COG4: variants seen among roughly 807,000 people sequenced by gnomAD.
The protein encoded by COG4 is conserved oligomeric Golgi complex subunit 4.
A neutral mutation model predicts 95.1 loss-of-function variants in COG4; 65 were observed. The ratio of observed to expected loss-of-function variants is 0.68; its 90% CI spans 0.56 to 0.84. The LOEUF is 0.84. Among genes scored for constraint, COG4 ranks in the 40% least tolerant of loss-of-function variants. The probability of loss-of-function intolerance (pLI) is 0.00; values close to 1 mark genes in which losing one functional copy is unlikely to be tolerated. For missense variants in COG4, 1,045 were observed against 989.1 expected, an observed-to-expected ratio of 1.06 and a Z score of -0.76; for synonymous variants, 421 against 374.8, an observed-to-expected ratio of 1.12 and a Z score of -1.42.
chr16:70,482,149 G>T lies in COG4; in HGVS notation c.1947C>A (p.Asn649Lys), dbSNP rs767131534. 1.2e-6 allele frequency: 2 copies of T among 1,613,780 alleles called. No homozygotes were observed. The highest frequency in any genetic ancestry group is 1.1e-5 in the South Asian group (1 of 91,072). ...GGATGAACTGTTGTACCCAAGGGTC[G>T]TTGGCCTCATAGTCATTGAATTCTT... ...EEEEFNDYEA[N>K]DPWVQQFILN... is the part of the protein sequence containing the mutation. Residue 649 changes from asparagine to lysine, a missense_variant, in exon 16 of 19, where the codon AAC becomes AAA. Coordinates refer to ENST00000323786, the MANE Select transcript of COG4 (RefSeq NM_015386.3).
In COG4 at chr16:70,519,369, C is replaced by T. The variant is rs1329729190; in HGVS notation, c.254+280G>A. On this transcript the variant is annotated intron_variant, in intron 2 of 18. Coordinates refer to ENST00000323786, the MANE Select transcript of COG4 (RefSeq NM_015386.3). ...GTCTCGATCTCCTGACCTCATGATCCGCCCGCCTCGGCCTCCCAAAGTGCT... is the reference window on the plus strand; with the variant it reads ...GTCTCGATCTCCTGACCTCATGATCTGCCCGCCTCGGCCTCCCAAAGTGCT... 1.5e-5 allele frequency among the ~76,000 whole-genome samples: 2 copies of T among 137,628 alleles called. 1 individual carries two copies. Among genetic ancestry groups the T allele is most frequent in the African/African-American group, 6.1e-5 (2 of 32,802 alleles). 90.3% of individuals were successfully genotyped at this position (137,628 alleles called of 152,430 possible). A position where few individuals can be genotyped will look rare whatever the true frequency, so the allele number is the denominator to read the frequency against.
intron 3 of COG4, chr16:70,515,771 C>G: frequency 3.4e-6 from 1 of 291,220 alleles, no homozygotes. Context: ...TTGTCTTGTT[C>G]CTCATCTTAG....
Position 70,509,363 on chromosome 16 carries a change from GT to G in COG4, c.869del (p.His290ProfsTer4). 1 of 1,614,180 alleles carries G rather than the reference GT, an allele frequency of 6.2e-7. No individual in the cohort carries two copies. The highest frequency in any genetic ancestry group is 2.2e-5 in the East Asian group (1 of 44,890). ...FEGIARIVET[H>X]QPIVETYYGP... ...CATAATAGGTCTCCACTATTGGCTG[GT>G]GGGTCTCCACAATGCGGGCAATCCC... On this transcript the variant is annotated frameshift_variant, in exon 7 of 19. Coordinates refer to ENST00000323786, the MANE Select transcript of COG4 (RefSeq NM_015386.3). LOFTEE classifies it high-confidence loss of function.
At chr16:70,499,907 G>C (rs2049413621) in intron 9 of COG4, among the ~76,000 whole-genome samples, 1 of 152,148 alleles carries the variant, frequency 6.6e-6, no homozygotes, top group Non-Finnish European at 1.5e-5. Flanking sequence ...TGATCCGCCT[G>C]CCTCGGCCTC....
chr16:70,491,364 C>T (rs551008167), intron 12 of COG4, among the ~76,000 whole-genome samples: 3 of 150,342 alleles, frequency 2.0e-5, no homozygotes, highest in African/African-American at 4.9e-5. Flanking sequence ...AAAATACACA[C>T]AAAAAAATTA....
chr16:70,509,392 G>C lies in COG4; in HGVS notation c.845-4C>G. On this transcript the variant is annotated splice_region_variant and splice_polypyrimidine_tract_variant and intron_variant, in intron 6 of 18. Transcript: ENST00000323786. ...GTCTCCACAATGCGGGCAATCCCTA[G>C]AAGGGAGGAAGCAATAGGGTTATAT... 1 of 1,614,178 alleles carries C rather than the reference G, an allele frequency of 6.2e-7. No individual in the cohort carries two copies. The highest frequency in any genetic ancestry group is 1.1e-5 in the South Asian group (1 of 91,080).
At position 70,509,923 on chromosome 16, in the gene COG4, C is replaced by T. The variant is rs373183853; in HGVS notation, c.837G>A (p.Leu279=). The T allele has an allele frequency of 8.1e-6, 13 of 1,613,226 alleles. No homozygotes were observed. The highest frequency in any genetic ancestry group is 1.1e-5 in the Non-Finnish European group (13 of 1,179,248). Residue 279 remains leucine (L), a synonymous_variant, in exon 6 of 19, where the codon CTG becomes CTA. Transcript: ENST00000323786. ...AVIFADTLTL[L]FEGIARIVET... is the part of the protein sequence containing the mutation. Reference sequence around the variant, plus strand: ...GCGGAGAAAGAGGCTCACCTTCAAACAGAAGAGTAAGTGTATCTGCAAAGA... The same window carrying T: ...GCGGAGAAAGAGGCTCACCTTCAAATAGAAGAGTAAGTGTATCTGCAAAGA...
In COG4 at chr16:70,490,635, T is replaced by G. The variant is rs535323744; in HGVS notation, c.1648-243A>C. The stretch of plus-strand genomic sequence containing the variant: ...CCTGATGACAGGGAGCCTAAAGCTA[T>G]CAGGACCTCAGAGGTAGTGAGCTCA... On this transcript the variant is annotated intron_variant, in intron 12 of 18. Transcript: ENST00000323786. 2.0e-5 allele frequency among the ~76,000 whole-genome samples: 3 copies of G among 152,280 alleles called. No homozygotes were observed. The South Asian group carries it at 6.2e-4, about 32-fold the overall frequency.
At chr16:70,520,172 A>G (rs1489145929) in intron 1 of COG4, among the ~76,000 whole-genome samples, 1 of 152,070 alleles carries the variant, frequency 6.6e-6, no homozygotes, top group Admixed American at 6.6e-5. Flanking sequence ...GCGGCGGCTT[A>G]CGTCGGTAAT....
chr16:70,500,365 CTTTTT>C (rs68141616), intron 9 of COG4, among the ~76,000 whole-genome samples: 4 of 96,174 alleles, frequency 4.2e-5, no homozygotes, highest in South Asian at 3.9e-4. Context: ...ATTATATACT[CTTTTT>C]TTTTTTTTTT....
intron 8 of COG4, among the ~76,000 whole-genome samples, chr16:70,504,908 CAAAA>C (rs59742070): frequency 9.2e-6 from 1 of 108,992 alleles, no homozygotes; most frequent in Non-Finnish European, 2.0e-5. Context: ...AAGACTGTCT[CAAAA>C]AAAAAAAAAA....
chr16:70,498,127 T>G, intron 9 of COG4, 72 bp from the exon 10 acceptor site: 1 of 898,838 alleles, frequency 1.1e-6, no homozygotes, highest in Non-Finnish European at 1.9e-6. Context: ...TTTCATTTTT[T>G]CAGGTTCCTT....
chr16:70,501,171 A>C (rs989167735), intron 8 of COG4, 80 bp from the exon 9 acceptor site: 5 of 1,519,164 alleles, frequency 3.3e-6, no homozygotes, highest in African/African-American at 1.4e-5. Context: ...GAGAGTCCCA[A>C]ATTCCCCCTC....
rs1397104192 is a variant in COG4 at position 70,508,696 on chromosome 16, T to A, written c.1003-232A>T. ...TTACTGTGCTTAAAAGTCATGCTAA[T>A]GGTGTTCCAATAGACTACTGTTTAT... is the stretch of plus-strand genomic sequence containing the variant. On this transcript the variant is annotated intron_variant, in intron 7 of 18. Coordinates refer to ENST00000323786, the MANE Select transcript of COG4 (RefSeq NM_015386.3). 5 of 658,268 alleles carry A rather than the reference T, an allele frequency of 7.6e-6. No individual in the cohort carries two copies. In the Admixed American group the frequency reaches 1.1e-4, roughly 14 times the overall value. The allele number at this position is 658,268 out of a possible 1,614,324, so 40.8% of individuals were successfully genotyped here.
At chr16:70,507,369 T>C (rs2049600600) in intron 8 of COG4, among the ~76,000 whole-genome samples, 1 of 152,118 alleles carries the variant, frequency 6.6e-6, no homozygotes, top group African/African-American at 2.4e-5. Context: ...ACCTCTTCTA[T>C]GTTTAGATAT....
chr16:70,507,014 C>T (rs966667380), intron 8 of COG4, among the ~76,000 whole-genome samples: 4 of 151,912 alleles, frequency 2.6e-5, no homozygotes, highest in Non-Finnish European at 4.4e-5. Flanking sequence ...CCCAGGAGTT[C>T]GAGACCAGCC....
At chr16:70,501,250 G>A in intron 8 of COG4, 159 bp from the exon 9 acceptor site, 1 of 699,724 alleles carries the variant, frequency 1.4e-6, no homozygotes, top group East Asian at 2.7e-5. Flanking sequence ...ATTAGAATCA[G>A]AGATAGCTGT....
At chr16:70,495,575 C>A (rs1045850749) in intron 12 of COG4, among the ~76,000 whole-genome samples, 1 of 152,038 alleles carries the variant, frequency 6.6e-6, no homozygotes, top group African/African-American at 2.4e-5. Flanking sequence ...GGGGATGGAG[C>A]AGAATGGACC....
At chr16:70,511,539 A>T (rs983980421) in intron 5 of COG4, among the ~76,000 whole-genome samples, 11 of 150,174 alleles carry the variant, frequency 7.3e-5, no homozygotes, top group South Asian at 2.1e-4. Context: ...ACACAGTGAG[A>T]CCGTTTCTAT....
Sources: allele counts gnomAD v4.1 joint callset (sites outside exome capture counted in the v4.1 genomes callset), GRCh38; gene constraint gnomAD v4.1.1; transcripts MANE v1.5; gene names NCBI Gene and HGNC (gene_info 2026-07-23, HGNC 2026-07-21).